KRAS: variants seen among roughly 807,000 people sequenced by gnomAD.
KRAS encodes GTPase KRas.
In KRAS, 1 loss-of-function variant was observed where a neutral mutation model predicts 21.0. That is an observed-to-expected ratio of 0.05 (90% CI 0.02 to 0.23). The LOEUF is 0.23. KRAS is among the 10% of genes least tolerant of loss of function. The probability of loss-of-function intolerance (pLI) is 1.00; values close to 1 mark genes in which losing one functional copy is unlikely to be tolerated. For synonymous variants in KRAS, 67 were observed against 72.5 expected (o/e 0.92, Z 0.39); for missense variants, 107 against 221.8 (o/e 0.48, Z 3.29).
intron 4 of KRAS, among the ~76,000 whole-genome samples, chr12:25,221,243 T>C (rs1164208400): frequency 6.6e-6 from 1 of 151,498 alleles, no homozygotes; most frequent in East Asian, 1.9e-4. Flanking sequence ...CCTTTTTTTT[T>C]TTTTTTTGAG....
chr12:25,230,230 AAT>A (rs1160305052), intron 2 of KRAS, among the ~76,000 whole-genome samples: 4 of 152,218 alleles, frequency 2.6e-5, no homozygotes, highest in African/African-American at 2.4e-5. Flanking sequence ...TGATCACAAT[AAT>A]ATGTGTTTAT....
intron 4 of KRAS, among the ~76,000 whole-genome samples, chr12:25,220,721 CAA>C (rs35976713): frequency 2.2e-5 from 3 of 135,738 alleles, no homozygotes; most frequent in Non-Finnish European, 1.6e-5. Context: ...GAGACCGTCT[CAA>C]AAAAAAAAAA....
intron 3 of KRAS, among the ~76,000 whole-genome samples, chr12:25,226,357 G>A (rs910179047): frequency 6.6e-6 from 1 of 152,020 alleles, no homozygotes; most frequent in Non-Finnish European, 1.5e-5. Flanking sequence ...ACAATTTTAG[G>A]TGACTTTCAA....
chr12:25,243,207 T>C (rs1951632934), intron 2 of KRAS, among the ~76,000 whole-genome samples: 1 of 152,290 alleles, frequency 6.6e-6, no homozygotes, highest in East Asian at 1.9e-4. Flanking sequence ...ATTTAACTAC[T>C]AAGTTCTCCT....
chr12:25,248,506 G>A (rs1442008867), intron 1 of KRAS, among the ~76,000 whole-genome samples: 1 of 151,974 alleles, frequency 6.6e-6, no homozygotes, highest in Non-Finnish European at 1.5e-5. Context: ...ACTAGCCTAG[G>A]AAATACTGTG....
In KRAS at chr12:25,205,591, A is replaced by T. The variant is rs1364440864; in HGVS notation, c.*4204T>A. On this transcript the variant is annotated 3_prime_UTR_variant, in exon 5 of 5. Coordinates refer to ENST00000311936, the MANE Select transcript of KRAS (RefSeq NM_004985.5). ...AGTACTAGTAAGAAATTGGCACTCAAAGGAAAAATGCAAAAGTATTTTCAA... is the reference window on the plus strand; with the variant it reads ...AGTACTAGTAAGAAATTGGCACTCATAGGAAAAATGCAAAAGTATTTTCAA... 1 of 220,366 alleles carries T rather than the reference A, an allele frequency of 4.5e-6. No individual in the cohort carries two copies. The highest frequency in any genetic ancestry group is 9.1e-6 in the Non-Finnish European group (1 of 109,716). The allele number at this position is 220,366 out of a possible 1,614,324, so 13.7% of individuals were successfully genotyped here.
At chr12:25,231,355 T>C (rs1052283148) in intron 2 of KRAS, among the ~76,000 whole-genome samples, 1 of 152,080 alleles carries the variant, frequency 6.6e-6, no homozygotes. Context: ...AGTGCTGGGA[T>C]TACAGGCGTC....
At chr12:25,250,338 GCGGGGAGAGGGGGAGGGGAGGC>G in intron 1 of KRAS, among the ~76,000 whole-genome samples, 1 of 152,074 alleles carries the variant, frequency 6.6e-6, no homozygotes, top group East Asian at 1.9e-4. Flanking sequence ...AGGTGCGGGA[GCGGGGAGAGGGGGAGGGGAGGC>G]CGGGGCGCCG....
At chr12:25,244,377 C>T (rs537429724) in intron 2 of KRAS, among the ~76,000 whole-genome samples, 35 of 152,304 alleles carry the variant, frequency 2.3e-4, no homozygotes, top group African/African-American at 7.9e-4. Context: ...TGCTTATTTT[C>T]CATCTCCACT....
intron 1 of KRAS, 78 bp from the exon 2 acceptor site, chr12:25,245,473 C>G: frequency 7.4e-7 from 1 of 1,354,638 alleles, no homozygotes; most frequent in African/African-American, 1.5e-5. Flanking sequence ...AAATACTCCA[C>G]CAGTACCTTT....
At chr12:25,215,926 T>C (rs962611845) in intron 4 of KRAS, among the ~76,000 whole-genome samples, 15 of 152,338 alleles carry the variant, frequency 9.8e-5, no homozygotes, top group African/African-American at 3.6e-4. Flanking sequence ...AATTACTTCT[T>C]TGACTTAGGA....
chr12:25,223,780 TGTTTAACAATGTAAAA>T (rs1459306987), intron 4 of KRAS, among the ~76,000 whole-genome samples: 1 of 152,206 alleles, frequency 6.6e-6, no homozygotes, highest in Non-Finnish European at 1.5e-5. Context: ...TGTTTTTAAA[TGTTTAACAATGTAAAA>T]GTTGTTCAGC....
intron 4 of KRAS, 121 bp from the exon 5 acceptor site, chr12:25,210,032 C>A: frequency 2.9e-6 from 2 of 688,928 alleles, no homozygotes; most frequent in Admixed American, 2.8e-5. Flanking sequence ...CTTCAGGCAA[C>A]TGAATATATA....
At chr12:25,232,545 G>A (rs1334104824) in intron 2 of KRAS, among the ~76,000 whole-genome samples, 1 of 152,104 alleles carries the variant, frequency 6.6e-6, no homozygotes, top group Non-Finnish European at 1.5e-5. Flanking sequence ...TAATAATGGA[G>A]CAAAGACAAG....
chr12:25,232,126 C>T (rs755361198), intron 2 of KRAS, among the ~76,000 whole-genome samples: 2 of 152,066 alleles, frequency 1.3e-5, no homozygotes, highest in East Asian at 1.9e-4. Flanking sequence ...GTCACTCAAA[C>T]GCATGTTGTT....
intron 2 of KRAS, among the ~76,000 whole-genome samples, chr12:25,228,983 C>T (rs901963319): frequency 3.9e-5 from 6 of 152,028 alleles, no homozygotes; most frequent in South Asian, 4.1e-4. Flanking sequence ...TGCTTGAACC[C>T]GGGAGGCGGA....
intron 4 of KRAS, among the ~76,000 whole-genome samples, chr12:25,217,492 C>T (rs4551857): frequency 0.5 from 75,015 of 151,476 alleles, 19,447 homozygotes; most frequent in East Asian, 0.8. Flanking sequence ...TTATATTTAA[C>T]GAATAACAAA....
intron 1 of KRAS, among the ~76,000 whole-genome samples, chr12:25,245,817 T>G (rs1310258900): frequency 6.6e-6 from 1 of 152,150 alleles, no homozygotes; most frequent in Admixed American, 6.5e-5. Context: ...TCTCCACTCT[T>G]ATTGTTACAG....
At chr12:25,232,129 A>G (rs564212937) in intron 2 of KRAS, among the ~76,000 whole-genome samples, 36 of 152,290 alleles carry the variant, frequency 2.4e-4, no homozygotes, top group Non-Finnish European at 4.9e-4. Context: ...ACTCAAACGC[A>G]TGTTGTTCAA....
Sources: gnomAD v4.1 joint callset for allele counts (sites outside exome capture counted in the v4.1 genomes callset) on GRCh38, gnomAD v4.1.1 for gene constraint, MANE v1.5 for transcripts, NCBI Gene and HGNC (gene_info 2026-07-23, HGNC 2026-07-21) for gene names.